Variants in OPRM1 observed in about 807,000 individuals in gnomAD.
The protein encoded by OPRM1 is mu-type opioid receptor.
Under a neutral mutation model 31.8 loss-of-function variants are expected in OPRM1, and 27 were observed. The ratio of observed to expected loss-of-function variants is 0.85; its 90% CI spans 0.63 to 1.17. The LOEUF is 1.17. Among genes scored for constraint, OPRM1 ranks in the 50% most tolerant of loss-of-function variants. The pLI, the probability that OPRM1 is intolerant of heterozygous loss-of-function variation, is 0.00. For missense variants in OPRM1, 536 were observed against 511.1 expected (o/e 1.05, Z -0.47); for synonymous variants, 196 against 189.9 (o/e 1.03, Z -0.26).
At chr6:154,032,108 A>G (rs1479062132) in intron 1 of OPRM1, among the ~76,000 whole-genome samples, 3 of 152,246 alleles carry the variant, frequency 2.0e-5, no homozygotes, top group Non-Finnish European at 4.4e-5. Flanking sequence ...TGTATGAGCC[A>G]TGAAAGTCTG....
At chr6:154,216,960 C>A (rs790258) in intron 3 of OPRM1, 34,426 of 162,174 alleles carry the variant, frequency 0.21, 4,276 homozygotes, top group Admixed American at 0.4. Flanking sequence ...ACCCAAAAAA[C>A]CCCATAAAAC....
At position 154,129,013 on chromosome 6, in the gene OPRM1, G is replaced by A. The variant is rs556712780; in HGVS notation, c.*10292G>A. 5.3e-5 allele frequency among the ~76,000 whole-genome samples: 8 copies of A among 152,150 alleles called. No individual in the cohort carries two copies. Among genetic ancestry groups the A allele is most frequent in the Non-Finnish European group, 1.0e-4 (7 of 68,028 alleles). ...TTTTGAAGTATAGGAACCTCATGGT[G>A]TAGCAGGATGAGCCACAGACAAAAC... On this transcript the variant is annotated 3_prime_UTR_variant, in exon 4 of 4. Transcript: ENST00000330432.
rs530728260 is a variant in OPRM1, at chr6:154,146,126, G to A, written c.1164+54654G>A. Reference sequence around the variant, plus strand: ...AGTAAAGAAAGAAAGTGGGCCAGACGCAGTGGCTCACGCCTGTAATCCCAA... The same window carrying A: ...AGTAAAGAAAGAAAGTGGGCCAGACACAGTGGCTCACGCCTGTAATCCCAA... On this transcript the variant is annotated intron_variant, in intron 3 of 3. Coordinates refer to the OPRM1 transcript ENST00000337049. 4.6e-5 allele frequency among the ~76,000 whole-genome samples: 7 copies of A among 152,350 alleles called. No homozygotes were observed. The South Asian group carries it at 8.3e-4, about 18-fold the overall frequency.
intron 3 of OPRM1, among the ~76,000 whole-genome samples, chr6:154,150,680 C>T (rs952756732): frequency 2.1e-4 from 32 of 152,194 alleles, no homozygotes; most frequent in Admixed American, 5.2e-4. Context: ...GCTTCTTTAC[C>T]CGCACATCCC....
intron 1 of OPRM1, among the ~76,000 whole-genome samples, chr6:154,015,552 G>T (rs7757649): frequency 0.35 from 53,416 of 151,752 alleles, 9,822 homozygotes; most frequent in Admixed American, 0.51. Flanking sequence ...AAACCCTGTA[G>T]TACTAGAAGT....
In OPRM1 at chr6:154,119,064, C is replaced by T; in HGVS notation, c.*343C>T. 9.6e-7 allele frequency: 1 copy of T among 1,041,726 alleles called. No homozygotes were observed. The highest frequency in any genetic ancestry group is 1.2e-6 in the Non-Finnish European group (1 of 866,174). 64.5% of individuals were successfully genotyped at this position (1,041,726 alleles called of 1,614,324 possible). A position where few individuals can be genotyped will look rare whatever the true frequency, so the allele number is the denominator to read the frequency against. ...ATTTTCAAGCAAATATTTATGACCT[C>T]AACAAAGAAGAACCATCTTTTGTTA... On this transcript the variant is annotated 3_prime_UTR_variant, in exon 4 of 4. Coordinates refer to ENST00000330432, the MANE Select transcript of OPRM1 (RefSeq NM_000914.5).
chr6:154,212,427 G>C (rs1028284098), intron 3 of OPRM1, among the ~76,000 whole-genome samples: 1 of 152,100 alleles, frequency 6.6e-6, no homozygotes, highest in Non-Finnish European at 1.5e-5. Context: ...ACATAGGCAA[G>C]GCATTTAAAT....
intron 1 of OPRM1, among the ~76,000 whole-genome samples, chr6:154,071,445 A>C (rs1413688693): frequency 6.6e-6 from 1 of 152,070 alleles, no homozygotes; most frequent in Non-Finnish European, 1.5e-5. Context: ...CTAATTGCTG[A>C]TTTTTGTCAG....
chr6:154,089,014 C>A (rs1433828399), intron 1 of OPRM1, among the ~76,000 whole-genome samples: 1 of 152,186 alleles, frequency 6.6e-6, no homozygotes, highest in Non-Finnish European at 1.5e-5. Flanking sequence ...AGGATGCCTT[C>A]CACATCTTAC....
intron 3 of OPRM1, chr6:154,216,932 T>TG (rs542376954): frequency 1.9e-5 from 3 of 162,024 alleles, no homozygotes; most frequent in African/African-American, 7.2e-5. Flanking sequence ...TCTGTGAAAA[T>TG]GGTTTGCTAT....
At chr6:154,151,134 G>A (rs1402713095) in intron 3 of OPRM1, among the ~76,000 whole-genome samples, 2 of 152,202 alleles carry the variant, frequency 1.3e-5, no homozygotes, top group Non-Finnish European at 2.9e-5. Context: ...TGCAACCAAG[G>A]AGCGCCCATC....
intron 3 of OPRM1, among the ~76,000 whole-genome samples, chr6:154,230,624 A>T (rs763427634): frequency 5.4e-4 from 83 of 152,358 alleles, no homozygotes; most frequent in South Asian, 2.7e-3. Flanking sequence ...GGACCAAGCC[A>T]GAAACAGATG....
At chr6:154,140,950 A>G (rs1213758116) in intron 3 of OPRM1, among the ~76,000 whole-genome samples, 1 of 152,186 alleles carries the variant, frequency 6.6e-6, no homozygotes, top group Non-Finnish European at 1.5e-5. Context: ...TGAATGACTC[A>G]CGTATGGCCC....
chr6:154,188,918 G>A (rs968531995), intron 3 of OPRM1, among the ~76,000 whole-genome samples: 1 of 151,600 alleles, frequency 6.6e-6, no homozygotes, highest in Non-Finnish European at 1.5e-5. Context: ...CCAGTGTAGG[G>A]AGAAATTTCT....
At chr6:154,243,790 A>T (rs552481614) in intron 3 of OPRM1, among the ~76,000 whole-genome samples, 1 of 152,082 alleles carries the variant, frequency 6.6e-6, no homozygotes, top group South Asian at 2.1e-4. Context: ...TTTTCCATTT[A>T]CTCCCATGTG....
At chr6:154,102,712 G>A (rs1795016010) in intron 3 of OPRM1, among the ~76,000 whole-genome samples, 1 of 152,124 alleles carries the variant, frequency 6.6e-6, no homozygotes, top group Non-Finnish European at 1.5e-5. Flanking sequence ...AGTGGAGGCA[G>A]GCAGCAGAAA....
chr6:154,060,525 T>G (rs1008880305), intron 1 of OPRM1, among the ~76,000 whole-genome samples: 14 of 152,222 alleles, frequency 9.2e-5, no homozygotes, highest in African/African-American at 3.1e-4. Flanking sequence ...CCATTCCATA[T>G]TCTTTGTCTT....
At chr6:154,152,376 G>GAAAGAAAGAAAGAAAGAAAGAAAGAA (rs1798556802) in intron 3 of OPRM1, among the ~76,000 whole-genome samples, 1 of 149,858 alleles carries the variant, frequency 6.7e-6, no homozygotes, top group East Asian at 1.9e-4. Context: ...AAGAAAGAAA[G>GAAAGAAAGAAAGAAAGAAAGAAAGAA]AAAGAAAGAA....
chr6:154,105,575 C>G (rs1795455753), intron 3 of OPRM1, among the ~76,000 whole-genome samples: 1 of 152,268 alleles, frequency 6.6e-6, no homozygotes, highest in Admixed American at 6.5e-5. Context: ...CAACAATTTT[C>G]TGTGGATGAC....
Sources: allele counts gnomAD v4.1 joint callset (sites outside exome capture counted in the v4.1 genomes callset), GRCh38; gene constraint gnomAD v4.1.1; transcripts MANE v1.5; gene names NCBI Gene and HGNC (gene_info 2026-07-23, HGNC 2026-07-21).